TBC1D5: variants seen among roughly 807,000 people sequenced by gnomAD.
TBC1D5 encodes TBC1 domain family, member 5.
Under a neutral mutation model 100.3 loss-of-function variants are expected in TBC1D5, and 75 were observed. That is an observed-to-expected ratio of 0.75 (90% CI 0.62 to 0.91). The LOEUF (loss-of-function observed/expected upper bound fraction) is 0.91, where lower values mean the gene tolerates loss of function less well. TBC1D5 is among the 40% of genes least tolerant of loss of function. The pLI is 0.00. For synonymous variants in TBC1D5, 323 were observed against 325.6 expected, an observed-to-expected ratio of 0.99 and a Z score of 0.09; for missense variants, 910 against 942.4, an observed-to-expected ratio of 0.97 and a Z score of 0.45.
chr3:17,341,177 A>G (rs1228573823), intron 13 of TBC1D5, among the ~76,000 whole-genome samples: 8 of 152,116 alleles, frequency 5.3e-5, no homozygotes, highest in Non-Finnish European at 7.4e-5. Flanking sequence ...AGCACTTTAC[A>G]TGTAGCTCTT....
intron 1 of TBC1D5, among the ~76,000 whole-genome samples, chr3:17,644,850 T>C (rs942838899): frequency 1.3e-5 from 2 of 152,132 alleles, no homozygotes; most frequent in Non-Finnish European, 2.9e-5. Flanking sequence ...CTGTCATGAT[T>C]AGTCCTGGAA....
chr3:17,636,491 T>C (rs2063940488), intron 1 of TBC1D5, among the ~76,000 whole-genome samples: 1 of 152,020 alleles, frequency 6.6e-6, no homozygotes, highest in South Asian at 2.1e-4. Flanking sequence ...TTTAAAGCTA[T>C]AATAATTAAA....
At chr3:17,623,656 T>A (rs1181987777) in intron 2 of TBC1D5, 193 bp downstream of exon 2, 1 of 152,306 alleles carries the variant, frequency 6.6e-6, no homozygotes, top group Non-Finnish European at 1.5e-5. Flanking sequence ...TGTACTGACT[T>A]ACAAGGCTGC....
At chr3:17,208,967 TTACA>T (rs2072597637) in intron 18 of TBC1D5, among the ~76,000 whole-genome samples, 1 of 152,356 alleles carries the variant, frequency 6.6e-6, no homozygotes, top group South Asian at 2.1e-4. Flanking sequence ...TATGTAACAC[TTACA>T]TAAGTGTTAA....
chr3:17,212,493 G>GTT (rs1224535990), intron 18 of TBC1D5, among the ~76,000 whole-genome samples: 13 of 151,806 alleles, frequency 8.6e-5, no homozygotes, highest in Non-Finnish European at 1.8e-4. Flanking sequence ...TGTACTTCTA[G>GTT]TTATATATAT....
intron 14 of TBC1D5, among the ~76,000 whole-genome samples, chr3:17,298,982 A>G (rs531973771): frequency 6.6e-6 from 1 of 152,326 alleles, no homozygotes; most frequent in South Asian, 2.1e-4. Flanking sequence ...ATACATACAT[A>G]CCTATGATAA....
At chr3:17,661,089 T>A (rs1166018528) in intron 1 of TBC1D5, among the ~76,000 whole-genome samples, 2 of 152,158 alleles carry the variant, frequency 1.3e-5, no homozygotes, top group Non-Finnish European at 2.9e-5. Flanking sequence ...CATTTCTGAA[T>A]AAAGAAAAAT....
At position 17,552,001 on chromosome 3, in the gene TBC1D5, A is replaced by C. The variant is rs2153451422; in HGVS notation, c.-35-43396T>G. 1.3e-5 allele frequency among the ~76,000 whole-genome samples: 2 copies of C among 152,170 alleles called. 1 individual carries two copies. Among genetic ancestry groups the C allele is most frequent in the South Asian group, 4.1e-4 (2 of 4,824 alleles). On this transcript the variant is annotated intron_variant, in intron 2 of 21. Coordinates refer to ENST00000253692, the Ensembl canonical transcript of TBC1D5. The stretch of plus-strand genomic sequence containing the variant: ...TATGGTATGTGTTGATACCATCTTC[A>C]ACATCTGCAGCACCTGAGCAATGGC...
chr3:17,422,093 C>CT (rs2094220133), intron 4 of TBC1D5, among the ~76,000 whole-genome samples: 3 of 152,254 alleles, frequency 2.0e-5, no homozygotes, highest in African/African-American at 7.2e-5. Flanking sequence ...AGGTTGGTCT[C>CT]TATCATCTTT....
At chr3:17,563,222 C>T (rs987066131) in intron 2 of TBC1D5, among the ~76,000 whole-genome samples, 3 of 152,170 alleles carry the variant, frequency 2.0e-5, no homozygotes, top group Admixed American at 6.5e-5. Flanking sequence ...ATTCTAGACT[C>T]GTCAAATTTG....
chr3:17,584,032 C>T (rs924294168), intron 2 of TBC1D5, among the ~76,000 whole-genome samples: 2 of 152,096 alleles, frequency 1.3e-5, no homozygotes, highest in East Asian at 1.9e-4. Context: ...ATAATAAGTG[C>T]TACAACTTGA....
At chr3:17,208,448 C>T (rs2072526985) in intron 18 of TBC1D5, among the ~76,000 whole-genome samples, 1 of 152,268 alleles carries the variant, frequency 6.6e-6, no homozygotes, top group African/African-American at 2.4e-5. Flanking sequence ...CAAGGAGGCG[C>T]AATCCGATTA....
At chr3:17,159,868 T>G (rs1302470229) in exon 22 of TBC1D5, 1 of 152,254 alleles carries the variant, frequency 6.6e-6, no homozygotes, top group Non-Finnish European at 1.5e-5. Flanking sequence ...TGTGGAATGT[T>G]CTCTAGGTAT....
At chr3:17,197,389 C>T (rs2733525) in intron 18 of TBC1D5, among the ~76,000 whole-genome samples, 76,765 of 151,658 alleles carry the variant, frequency 0.51, 20,484 homozygotes, top group African/African-American at 0.68. Context: ...ATTTTTATTA[C>T]TATTTTAGAG....
intron 1 of TBC1D5, among the ~76,000 whole-genome samples, chr3:17,681,442 T>C (rs373952255): frequency 2.6e-5 from 4 of 151,544 alleles, no homozygotes; most frequent in African/African-American, 9.8e-5. Flanking sequence ...ATTTGCCATG[T>C]CAGATAAATA....
chr3:17,301,078 A>G (rs1325906719), intron 14 of TBC1D5, among the ~76,000 whole-genome samples: 1 of 152,060 alleles, frequency 6.6e-6, no homozygotes, highest in African/African-American at 2.4e-5. Context: ...CAGAAAAAAA[A>G]AAAAAAAGGA....
chr3:17,722,326 T>C (rs970427530), intron 1 of TBC1D5, among the ~76,000 whole-genome samples: 1 of 152,188 alleles, frequency 6.6e-6, no homozygotes, highest in African/African-American at 2.4e-5. Context: ...AATATATGCA[T>C]ATACATAATG....
At chr3:17,579,941 C>T (rs1039630779) in intron 2 of TBC1D5, among the ~76,000 whole-genome samples, 1 of 152,064 alleles carries the variant, frequency 6.6e-6, no homozygotes, top group African/African-American at 2.4e-5. Flanking sequence ...ATTATTGTAT[C>T]CCATATTTAT....
At chr3:17,269,390 G>A (rs1171759505) in intron 15 of TBC1D5, among the ~76,000 whole-genome samples, 1 of 152,136 alleles carries the variant, frequency 6.6e-6, no homozygotes, top group Non-Finnish European at 1.5e-5. Context: ...ATTTGTAGTG[G>A]TCTGTTCCCT....
Sources: allele counts gnomAD v4.1 joint callset (sites outside exome capture counted in the v4.1 genomes callset), GRCh38; gene constraint gnomAD v4.1.1; transcripts MANE v1.5; gene names NCBI Gene and HGNC (gene_info 2026-07-23, HGNC 2026-07-21).